PDE1A: variants seen among roughly 807,000 people sequenced by gnomAD.
PDE1A encodes the protein dual specificity calcium/calmodulin-dependent 3',5'-cyclic nucleotide phosphodiesterase 1A.
Under a neutral mutation model 61.7 loss-of-function variants are expected in PDE1A, and 35 were observed. That is an observed-to-expected ratio of 0.57 (90% CI 0.43 to 0.75). PDE1A has a LOEUF of 0.75. Among genes scored for constraint, PDE1A ranks in the 30% least tolerant of loss-of-function variants. PDE1A has a pLI of 0.00. For missense variants in PDE1A, 597 were observed against 630.6 expected (o/e 0.95, Z 0.57); for synonymous variants, 232 against 213.2 (o/e 1.09, Z -0.77).
intron 1 of PDE1A, among the ~76,000 whole-genome samples, chr2:182,280,727 G>A (rs1399981141): frequency 6.6e-6 from 1 of 151,466 alleles, no homozygotes; most frequent in Non-Finnish European, 1.5e-5. Context: ...CTTTGATTTT[G>A]TGGGTTTATA....
At chr2:182,650,960 C>T in the PDE1A span, among the ~76,000 whole-genome samples, 1 of 152,006 alleles carries the variant, frequency 6.6e-6, no homozygotes, top group African/African-American at 2.4e-5. Flanking sequence ...GAGTAGAGTG[C>T]CCTCTAGAGT....
chr2:182,364,466 TAAA>T (rs201821721), intron 1 of PDE1A, among the ~76,000 whole-genome samples: 45 of 35,832 alleles, frequency 1.3e-3, no homozygotes, highest in South Asian at 4.0e-3. Context: ...AACACTTTGG[TAAA>T]AAAAAAAAAA....
At chr2:182,496,284 AG>A (rs35002581) in intron 2 of PDE1A, among the ~76,000 whole-genome samples, 62,132 of 152,012 alleles carry the variant, frequency 0.41, 13,314 homozygotes, top group East Asian at 0.74. Context: ...AAAGACTGCT[AG>A]GAAAAAAAGC....
At chr2:182,230,055 G>T in exon 6 of PDE1A, 1 of 1,612,552 alleles carries the variant, frequency 6.2e-7, no homozygotes, top group African/African-American at 1.3e-5. Context: ...AGTGACATCA[G>T]CTGCATGAAT....
At chr2:182,586,464 T>C in the PDE1A span, among the ~76,000 whole-genome samples, 2 of 152,202 alleles carry the variant, frequency 1.3e-5, no homozygotes, top group African/African-American at 2.4e-5. Flanking sequence ...CTCCCAATTA[T>C]TTACTTTGAC....
At chr2:182,184,069 T>C (rs80345317) in intron 13 of PDE1A, among the ~76,000 whole-genome samples, 1,945 of 150,826 alleles carry the variant, frequency 0.013, 41 homozygotes, top group African/African-American at 0.045. Flanking sequence ...ATTAAAGAAA[T>C]TGACAGAGAT....
At chr2:182,604,817 T>A in the PDE1A span, among the ~76,000 whole-genome samples, 2 of 152,176 alleles carry the variant, frequency 1.3e-5, no homozygotes, top group African/African-American at 4.8e-5. Context: ...TTTTAAGTGT[T>A]TCATGATTGT....
intron 13 of PDE1A, among the ~76,000 whole-genome samples, chr2:182,175,499 T>C (rs1235751677): frequency 2.1e-5 from 3 of 142,738 alleles, no homozygotes; most frequent in African/African-American, 7.9e-5. Flanking sequence ...GAAGTGTCTG[T>C]TCATGTCCTT....
intron 6 of PDE1A, among the ~76,000 whole-genome samples, chr2:182,228,344 A>C (rs1689300924): frequency 6.6e-6 from 1 of 152,086 alleles, no homozygotes; most frequent in South Asian, 2.1e-4. Flanking sequence ...GCAGATGACA[A>C]CATGCATTAG....
chr2:182,560,784 T>C, the PDE1A span, among the ~76,000 whole-genome samples: 2 of 151,910 alleles, frequency 1.3e-5, no homozygotes, highest in African/African-American at 4.8e-5. Flanking sequence ...TATCTCATTG[T>C]GGTTTTGATT....
chr2:182,232,075 T>G (rs1388963537), intron 4 of PDE1A, among the ~76,000 whole-genome samples: 2 of 152,092 alleles, frequency 1.3e-5, no homozygotes, highest in Non-Finnish European at 2.9e-5. Flanking sequence ...GAGGGACAAG[T>G]GGTGAGGAAA....
At chr2:182,485,518 G>GT (rs920736697) in intron 2 of PDE1A, among the ~76,000 whole-genome samples, 1 of 151,670 alleles carries the variant, frequency 6.6e-6, no homozygotes, top group Non-Finnish European at 1.5e-5. Flanking sequence ...TAAAATAAAA[G>GT]TTTTTTTAAA....
At chr2:182,261,053 G>A (rs1692186602) in intron 2 of PDE1A, among the ~76,000 whole-genome samples, 1 of 152,126 alleles carries the variant, frequency 6.6e-6, no homozygotes, top group Non-Finnish European at 1.5e-5. Context: ...TATATAAAAT[G>A]CTTAGAAGAT....
intron 2 of PDE1A, among the ~76,000 whole-genome samples, chr2:182,250,790 G>A (rs1202133079): frequency 1.3e-5 from 2 of 152,172 alleles, no homozygotes; most frequent in African/African-American, 4.8e-5. Flanking sequence ...GAAGTTAGAT[G>A]TGGCTTTCTC....
intron 2 of PDE1A, among the ~76,000 whole-genome samples, chr2:182,464,339 CA>C (rs1686512497): frequency 6.6e-6 from 1 of 152,030 alleles, no homozygotes; most frequent in East Asian, 1.9e-4. Flanking sequence ...TACCCTATTC[CA>C]AACTCCAAAA....
At chr2:182,276,199 A>G (rs1348924484) in intron 1 of PDE1A, among the ~76,000 whole-genome samples, 3 of 151,778 alleles carry the variant, frequency 2.0e-5, no homozygotes, top group Non-Finnish European at 4.4e-5. Flanking sequence ...CATGGCTCTC[A>G]TGAGTTCCTA....
At chr2:182,704,376 GC>G in the PDE1A span, among the ~76,000 whole-genome samples, 1 of 152,092 alleles carries the variant, frequency 6.6e-6, no homozygotes, top group African/African-American at 2.4e-5. Context: ...AATTGATCTG[GC>G]AGTGAATCTG....
chr2:182,573,398 A>T, the PDE1A span, among the ~76,000 whole-genome samples: 31 of 152,098 alleles, frequency 2.0e-4, no homozygotes, highest in East Asian at 3.3e-3. Context: ...ATCATTTTTT[A>T]AAAAAAATAC....
chr2:182,611,845 C>T, the PDE1A span, among the ~76,000 whole-genome samples: 1 of 152,048 alleles, frequency 6.6e-6, no homozygotes, highest in Admixed American at 6.5e-5. Context: ...TGATGACCGG[C>T]TTTAAATAAC....
Sources: gnomAD v4.1 joint callset for allele counts (sites outside exome capture counted in the v4.1 genomes callset) on GRCh38, gnomAD v4.1.1 for gene constraint, MANE v1.5 for transcripts, NCBI Gene and HGNC (gene_info 2026-07-23, HGNC 2026-07-21) for gene names.